The following PXN variants were observed in gnomAD, a reference collection of about 807,000 sequenced individuals.
PXN encodes the protein testicular tissue protein Li 134.
Under a neutral mutation model 103.6 loss-of-function variants are expected in PXN, and 61 were observed. That is an observed-to-expected ratio of 0.59 (90% CI 0.48 to 0.73). PXN has a LOEUF of 0.73. Ranked by LOEUF, PXN falls within the 30% of genes least tolerant of loss-of-function variation. The pLI is 0.00. For missense variants in PXN, 1,274 were observed against 1,460.3 expected (o/e 0.87, Z 2.08); for synonymous variants, 562 against 607.8 (o/e 0.92, Z 1.11).
rs748626550 is a variant in PXN, at chr12:120,212,460, C to T, written c.3100G>A (p.Gly1034Ser). ...LCSGCQKPIT[G>S]RCITAMAKKF... ...TTGGCCATGGCGGTGATGCAGCGGC[C>T]GGTGATGGGCTTCTGGCAGCCAGAA... is the stretch of plus-strand genomic sequence containing the variant. The change falls in exon 15 of 15, where the codon GGC (glycine) becomes AGC (serine). Residue 1034 changes from glycine (G) to serine (S), a missense_variant. Physicochemically the swap from Gly to Ser is moderately conservative, Grantham distance 56. Around this residue, in one of 2 missense-constraint regions of PXN, gnomAD observed 96 missense variants for 151.3 expected, o/e 0.63. Coordinates refer to ENST00000637617, the MANE Select transcript of PXN (RefSeq NM_001385981.1). This position sits in a 1 kb window ranked among gnomAD's most constrained non-coding sequence, Gnocchi z 7.2. 10 of 1,613,864 alleles carry T rather than the reference C, an allele frequency of 6.2e-6. No homozygotes were observed. Among genetic ancestry groups the T allele is most frequent in the Admixed American group, 1.7e-5 (1 of 60,002 alleles).
intron 1 of PXN, among the ~76,000 whole-genome samples, chr12:120,234,247 A>C (rs1888610696): frequency 6.6e-6 from 1 of 151,946 alleles, no homozygotes; most frequent in Non-Finnish European, 1.5e-5. Flanking sequence ...CTACTCTACT[A>C]AAAATACAAA....
Position 120,215,283 on chromosome 12 carries a change from C to A in PXN, c.2404-10G>T. On this transcript the variant is annotated splice_polypyrimidine_tract_variant and intron_variant, in intron 10 of 14. Transcript: ENST00000637617. This position sits in a 1 kb window ranked among gnomAD's most constrained non-coding sequence, Gnocchi z 4.9. ...TCCCCTGGGCCATGAACTGTGGACA[C>A]GGAGGGGGCTGGTCAGGACTCCTGA... 1 of 1,578,232 alleles carries A rather than the reference C, an allele frequency of 6.3e-7. No homozygotes were observed. The highest frequency in any genetic ancestry group is 8.6e-7 in the Non-Finnish European group (1 of 1,164,494).
intron 1 of PXN, among the ~76,000 whole-genome samples, chr12:120,232,007 G>T (rs919419507): frequency 1.1e-4 from 16 of 152,224 alleles, no homozygotes; most frequent in African/African-American, 3.9e-4. Context: ...AGGCCAGGCT[G>T]GCCAAACACC....
At chr12:120,241,484 A>G (rs1450822334) in intron 1 of PXN, among the ~76,000 whole-genome samples, 1 of 152,158 alleles carries the variant, frequency 6.6e-6, no homozygotes, top group Non-Finnish European at 1.5e-5. Context: ...CCTCACCTTT[A>G]CTAGTGATGG....
rs1445296830 is a variant in PXN at position 120,225,129 on chromosome 12, A to T, written c.14-752T>A. The T allele has an allele frequency of 5.2e-6, 1 of 191,206 alleles. No homozygotes were observed. The highest frequency in any genetic ancestry group is 1.1e-5 in the Non-Finnish European group (1 of 89,136). 11.8% of individuals were successfully genotyped at this position (191,206 alleles called of 1,614,324 possible). A position where few individuals can be genotyped will look rare whatever the true frequency, so the allele number is the denominator to read the frequency against. ...GGGAGCCAAATCAGCCCTCTAGTGTAAGCTTCCATTACCCTGGCACCTGGC... is the reference window on the plus strand; with the variant it reads ...GGGAGCCAAATCAGCCCTCTAGTGTTAGCTTCCATTACCCTGGCACCTGGC... On this transcript the variant is annotated intron_variant, in intron 1 of 14. Coordinates refer to ENST00000637617, the MANE Select transcript of PXN (RefSeq NM_001385981.1). This position sits in a 1 kb window ranked among gnomAD's most constrained non-coding sequence, Gnocchi z 4.4.
At chr12:120,234,806 G>A (rs1888719866) in intron 1 of PXN, among the ~76,000 whole-genome samples, 1 of 152,178 alleles carries the variant, frequency 6.6e-6, no homozygotes, top group Non-Finnish European at 1.5e-5. Flanking sequence ...ATAAACGTAA[G>A]CCTCCCACTC....
rs1383514457 is a variant in PXN at position 120,212,887 on chromosome 12, G to A, written c.2980-307C>T. The A allele has an allele frequency of 1.8e-5, 5 of 278,124 alleles. No homozygotes were observed. Among genetic ancestry groups the A allele is most frequent in the Non-Finnish European group, 2.7e-5 (4 of 146,680 alleles). 17.2% of individuals were successfully genotyped at this position (278,124 alleles called of 1,614,324 possible). ...TCTCCCAACAGGGGAGGCAACTGAA[G>A]CACACAGGTGAAGTAACTTGCCCAG... On this transcript the variant is annotated intron_variant, in intron 14 of 14. Coordinates refer to ENST00000637617, the MANE Select transcript of PXN (RefSeq NM_001385981.1). This position sits in a 1 kb window ranked among gnomAD's most constrained non-coding sequence, Gnocchi z 7.2.
intron 1 of PXN, among the ~76,000 whole-genome samples, chr12:120,241,197 GC>G (rs1205702317): frequency 6.6e-6 from 1 of 152,150 alleles, no homozygotes; most frequent in Non-Finnish European, 1.5e-5. Context: ...GCACCACCCT[GC>G]CCCTGTCAGA....
chr12:120,212,151 G>C lies in PXN; in HGVS notation c.*163C>G, dbSNP rs576940787. ...GAGGCTCTGGCAGGGGTGAAGACAAGCAGGGGGACCCCTCACGGCCCTCTG... is the reference window on the plus strand; with the variant it reads ...GAGGCTCTGGCAGGGGTGAAGACAACCAGGGGGACCCCTCACGGCCCTCTG... On this transcript the variant is annotated 3_prime_UTR_variant, in exon 15 of 15. Transcript: ENST00000637617. This position sits in a 1 kb window ranked among gnomAD's most constrained non-coding sequence, Gnocchi z 7.2. The C allele has an allele frequency of 4.6e-6, 5 of 1,082,072 alleles. No homozygotes were observed. In the African/African-American group the frequency reaches 4.7e-5, roughly 10 times the overall value. 67.0% of individuals were successfully genotyped at this position (1,082,072 alleles called of 1,614,324 possible).
At position 120,219,096 on chromosome 12, in the gene PXN, C is replaced by A; in HGVS notation, c.1716+111G>T. ...TCCGGCCACAGTGTCTCAGCATTTT[C>A]TGCCCAAGCAGACATGCGCAGAGTG... On this transcript the variant is annotated intron_variant, in intron 7 of 14. Transcript: ENST00000637617. The surrounding 1 kb of genome is among the most constrained non-coding windows in gnomAD (Gnocchi z 6.5). 1 of 1,201,190 alleles carries A rather than the reference C, an allele frequency of 8.3e-7. No individual in the cohort carries two copies. Among genetic ancestry groups the A allele is most frequent in the Non-Finnish European group, 1.1e-6 (1 of 889,538 alleles). The allele number at this position is 1,201,190 out of a possible 1,614,324, so 74.4% of individuals were successfully genotyped here. A position where few individuals can be genotyped will look rare whatever the true frequency, so the allele number is the denominator to read the frequency against.
rs917632180 is a variant in PXN, at chr12:120,220,496, A to G, written c.832-405T>C. Among the ~76,000 whole-genome samples, 1 of 152,130 alleles carries G rather than the reference A, an allele frequency of 6.6e-6. No homozygotes were observed. Among genetic ancestry groups the G allele is most frequent in the South Asian group, 2.1e-4 (1 of 4,826 alleles). On this transcript the variant is annotated intron_variant, in intron 6 of 14. Coordinates refer to ENST00000637617, the MANE Select transcript of PXN (RefSeq NM_001385981.1). This position sits in a 1 kb window ranked among gnomAD's most constrained non-coding sequence, Gnocchi z 6.1. The stretch of plus-strand genomic sequence containing the variant: ...CAACTCGGCCATGTCCCTCCGGACA[A>G]TCCCAGCTTTCCTACACCCCAAGTC...
intron 1 of PXN, among the ~76,000 whole-genome samples, chr12:120,238,336 C>T (rs1332913532): frequency 1.3e-5 from 2 of 152,100 alleles, no homozygotes; most frequent in Admixed American, 6.6e-5. Flanking sequence ...GGAAGCAGGC[C>T]AAGCAGATGC....
chr12:120,223,861 A>G, intron 2 of PXN, 28 bp from the exon 3 acceptor site: 1 of 1,511,942 alleles, frequency 6.6e-7, no homozygotes, highest in Non-Finnish European at 9.0e-7. Context: ...CTCAGAGGCT[A>G]CCCCGAGGGG....
chr12:120,263,407 G>C (rs1325011214), intron 1 of PXN, among the ~76,000 whole-genome samples: 1 of 152,194 alleles, frequency 6.6e-6, no homozygotes, highest in African/African-American at 2.4e-5. Context: ...GTAGAAAGCA[G>C]TAGAAGTTAC....
chr12:120,253,529 C>T (rs1892538304), intron 1 of PXN, among the ~76,000 whole-genome samples: 1 of 152,144 alleles, frequency 6.6e-6, no homozygotes, highest in Non-Finnish European at 1.5e-5. Flanking sequence ...GGAAGACCCA[C>T]CCAAGGTGCA....
In PXN at chr12:120,219,278, G is replaced by C; in HGVS notation, c.1645C>G (p.Gln549Glu). ...GCCATGGCACATGGAAGCTCTGGCT[G>C]TTCCTTCCCGTCCTGGGTGGCAGCT... Reference protein sequence around the residue: ...TEAATQDGKEQPELPCAMAMG... With the variant: ...TEAATQDGKEEPELPCAMAMG... The change falls in exon 7 of 15, where the codon CAG (glutamine) becomes GAG (glutamate). Residue 549 changes from glutamine (Q) to glutamate (E), a missense_variant. Transcript: ENST00000637617. This position sits in a 1 kb window ranked among gnomAD's most constrained non-coding sequence, Gnocchi z 6.5. 6.3e-7 allele frequency: 1 copy of C among 1,598,428 alleles called. No individual in the cohort carries two copies. Among genetic ancestry groups the C allele is most frequent in the Non-Finnish European group, 8.5e-7 (1 of 1,179,794 alleles).
intron 1 of PXN, chr12:120,226,288 G>A (rs1886850151): frequency 3.1e-6 from 4 of 1,288,976 alleles, no homozygotes; most frequent in Non-Finnish European, 4.0e-6. Context: ...ACGAATGAGT[G>A]CAACCCCAGT....
rs1281794561 is a variant in PXN, at chr12:120,212,999, C to T, written c.2980-419G>A. 6.1e-6 allele frequency: 1 copy of T among 163,326 alleles called. No homozygotes were observed. Among genetic ancestry groups the T allele is most frequent in the African/African-American group, 2.4e-5 (1 of 41,810 alleles). 10.1% of individuals were successfully genotyped at this position (163,326 alleles called of 1,614,324 possible). On this transcript the variant is annotated intron_variant, in intron 14 of 14. Coordinates refer to ENST00000637617, the MANE Select transcript of PXN (RefSeq NM_001385981.1). The surrounding 1 kb of genome is among the most constrained non-coding windows in gnomAD (Gnocchi z 7.2). ...AGCCAGGTGGCTGTAACAGTGTTCC[C>T]AGAAACACAGGTGTGACACTGGTCT...
Position 120,214,000 on chromosome 12 carries a change from G to A in PXN, c.2831-10C>T, listed in dbSNP as rs757277641. On this transcript the variant is annotated splice_polypyrimidine_tract_variant and intron_variant, in intron 13 of 14. Coordinates refer to ENST00000637617, the MANE Select transcript of PXN (RefSeq NM_001385981.1). The surrounding 1 kb of genome is among the most constrained non-coding windows in gnomAD (Gnocchi z 4.2). ...TCCTTCTCGTGGAACCCTGGGGAGC[G>A]GGGGTTTTGGAGGCACAGTTCATTC... 2.2e-5 allele frequency: 35 copies of A among 1,610,544 alleles called. No homozygotes were observed. The highest frequency in any genetic ancestry group is 2.5e-5 in the Non-Finnish European group (30 of 1,178,858).
Sources: allele counts gnomAD v4.1 joint callset (sites outside exome capture counted in the v4.1 genomes callset), GRCh38; gene constraint gnomAD v4.1.1; regional missense constraint gnomAD v4.1.1; non-coding constraint Gnocchi (gnomAD v3.1); transcripts MANE v1.5; gene names NCBI Gene and HGNC (gene_info 2026-07-23, HGNC 2026-07-21).